The following CSPP1 variants were observed in gnomAD, a reference collection of about 807,000 sequenced individuals.
The protein encoded by CSPP1 is centrosome and spindle pole-associated protein 1.
A neutral mutation model predicts 164.4 loss-of-function variants in CSPP1; 126 were observed. That is an observed-to-expected ratio of 0.77 (90% CI 0.66 to 0.89). CSPP1 has a LOEUF of 0.89. CSPP1 is among the 40% of genes least tolerant of loss of function. CSPP1 has a pLI of 0.00. For synonymous variants in CSPP1, 472 were observed against 476.7 expected (o/e 0.99, Z 0.13); for missense variants, 1,395 against 1,449.8 (o/e 0.96, Z 0.61).
chr8:67,073,271 C>T (rs926845249), intron 1 of CSPP1, among the ~76,000 whole-genome samples: 6 of 152,130 alleles, frequency 3.9e-5, no homozygotes, highest in Non-Finnish European at 7.4e-5. Context: ...GTAAATATCA[C>T]GTGCCTTCTC....
At chr8:67,159,213 A>G in intron 21 of CSPP1, 76 bp downstream of exon 21, 1 of 1,341,678 alleles carries the variant, frequency 7.5e-7, no homozygotes, top group Non-Finnish European at 1.0e-6. Context: ...CAGTTGTTAG[A>G]AAAGGGGAGA....
In CSPP1 at chr8:67,196,271, A is replaced by G. The variant is rs1837920044; in HGVS notation, c.*678A>G. The G allele has an allele frequency of 6.6e-6, 1 of 152,220 alleles. No homozygotes were observed. Among genetic ancestry groups the G allele is most frequent in the Non-Finnish European group, 1.5e-5 (1 of 68,044 alleles). The allele number at this position is 152,220 out of a possible 1,614,324, so 9.4% of individuals were successfully genotyped here. A position where few individuals can be genotyped will look rare whatever the true frequency, so the allele number is the denominator to read the frequency against. ...TTATTTTAATTACTAAAATCTTTTT[A>G]ACTACTATGGAGCTTTCTAGACTAG... On this transcript the variant is annotated 3_prime_UTR_variant, in exon 31 of 31. Transcript: ENST00000678616.
intron 24 of CSPP1, among the ~76,000 whole-genome samples, chr8:67,165,262 T>A (rs1019413025): frequency 2.6e-5 from 4 of 152,166 alleles, no homozygotes; most frequent in Admixed American, 6.5e-5. Flanking sequence ...CCAGCCTAGG[T>A]GACAGAGTGA....
chr8:67,076,379 A>G (rs747936730), intron 2 of CSPP1, 103 bp from the exon 3 acceptor site: 30 of 559,878 alleles, frequency 5.4e-5, no homozygotes, highest in Non-Finnish European at 7.7e-5. Context: ...TCTATGATGT[A>G]CTGTGTAATT....
At chr8:67,141,615 G>A (rs997517753) in intron 17 of CSPP1, among the ~76,000 whole-genome samples, 1 of 152,106 alleles carries the variant, frequency 6.6e-6, no homozygotes, top group Non-Finnish European at 1.5e-5. Flanking sequence ...TCTGCCTCCC[G>A]GGTTCAAGCA....
chr8:67,136,446 G>T (rs562953010), intron 16 of CSPP1, among the ~76,000 whole-genome samples: 1 of 151,760 alleles, frequency 6.6e-6, no homozygotes, highest in South Asian at 2.1e-4. Context: ...GCAGGCTCCT[G>T]TAGTCCCAGC....
At chr8:67,194,921 A>G (rs551206230) in intron 30 of CSPP1, among the ~76,000 whole-genome samples, 1 of 152,308 alleles carries the variant, frequency 6.6e-6, no homozygotes, top group African/African-American at 2.4e-5. Flanking sequence ...AAATAACTTA[A>G]TAATTTCCTT....
rs1554562925 is a variant in CSPP1 at position 67,086,749 on chromosome 8, T to C, written c.303+639T>C. ...GTTCCAAGTGTACAAATGTCTCTTA[T>C]TCTGATTTACACATGGAGAGAATGA... On this transcript the variant is annotated intron_variant, in intron 4 of 30. Coordinates refer to ENST00000678616, the MANE Select transcript of CSPP1 (RefSeq NM_001382391.1). 39 of 750,490 alleles carry C rather than the reference T, an allele frequency of 5.2e-5. 1 individual carries two copies. Among genetic ancestry groups the C allele is most frequent in the South Asian group, 5.0e-4 (34 of 67,464 alleles). 46.5% of individuals were successfully genotyped at this position (750,490 alleles called of 1,614,324 possible). A position where few individuals can be genotyped will look rare whatever the true frequency, so the allele number is the denominator to read the frequency against.
At position 67,186,171 on chromosome 8, in the gene CSPP1, G is replaced by A. The variant is rs144848048; in HGVS notation, c.3221-4479G>A. On this transcript the variant is annotated intron_variant, in intron 28 of 30. Transcript: ENST00000678616. ...TTCATTTCTGTAACAGTTGATATCTGGCTGTCCTTTTTATAATGCAGAGTG... is the reference window on the plus strand; with the variant it reads ...TTCATTTCTGTAACAGTTGATATCTAGCTGTCCTTTTTATAATGCAGAGTG... 2.6e-4 allele frequency among the ~76,000 whole-genome samples: 39 copies of A among 152,210 alleles called. No individual in the cohort carries two copies. The East Asian group carries it at 7.1e-3, about 28-fold the overall frequency.
rs2129545545 is a variant in CSPP1, at chr8:67,095,685, T to C, written c.876T>C (p.Tyr292=). ...VSEEMDERFR[Y]ESDFDRRLSR... ...AAGAAATGGATGAGAGGTTTAGATA[T>C]GAAAGTGATTTTGATAGAAGACTTT... Residue 292 remains tyrosine (Y), a synonymous_variant, in exon 7 of 31, where the codon TAT becomes TAC. Transcript: ENST00000678616. 1.2e-6 allele frequency: 2 copies of C among 1,608,476 alleles called. No homozygotes were observed. Among genetic ancestry groups the C allele is most frequent in the Non-Finnish European group, 1.7e-6 (2 of 1,177,728 alleles).
Position 67,095,417 on chromosome 8 carries a change from A to G in CSPP1, c.608A>G (p.Tyr203Cys), listed in dbSNP as rs1033546149. The G allele has an allele frequency of 5.0e-6, 8 of 1,612,916 alleles. No homozygotes were observed. The highest frequency in any genetic ancestry group is 3.3e-5 in the Admixed American group (2 of 59,868). The change falls in exon 7 of 31, where the codon TAT becomes TGT. Residue 203 changes from tyrosine to cysteine, a missense_variant. Transcript: ENST00000678616. ...GATGTCTTAACTCCTTCAGAGGCAT[A>G]TGAAGAACTTCTGAACCAAAGACGA... is the stretch of plus-strand genomic sequence containing the variant. ...RKDVLTPSEA[Y>C]EELLNQRRLE...
intron 19 of CSPP1, among the ~76,000 whole-genome samples, chr8:67,156,739 C>T (rs1042818774): frequency 6.6e-6 from 1 of 152,146 alleles, no homozygotes; most frequent in African/African-American, 2.4e-5. Context: ...ACAGTTAGCT[C>T]AAGTTAATGC....
intron 30 of CSPP1, among the ~76,000 whole-genome samples, chr8:67,194,760 T>TAA (rs936214709): frequency 6.6e-6 from 1 of 150,750 alleles, no homozygotes; most frequent in Non-Finnish European, 1.5e-5. Context: ...TAATAATAAA[T>TAA]AAAAGTAAAA....
intron 7 of CSPP1, among the ~76,000 whole-genome samples, chr8:67,100,716 A>G (rs984770316): frequency 2.0e-5 from 3 of 150,934 alleles, no homozygotes; most frequent in Admixed American, 1.3e-4. Flanking sequence ...AGTAGCTGGG[A>G]CTATAGGCAT....
In CSPP1 at chr8:67,095,358, G is replaced by A. The variant is rs1563539611; in HGVS notation, c.549G>A (p.Gln183=). Residue 183 remains glutamine (Q), a synonymous_variant, in exon 7 of 31, where the codon CAG becomes CAA. Coordinates refer to ENST00000678616, the MANE Select transcript of CSPP1 (RefSeq NM_001382391.1). ...AGCCTGATCTAACTTCACAAATACAGACATCTTGTGAAAATTCAGAGGGTC... is the reference window on the plus strand; with the variant it reads ...AGCCTGATCTAACTTCACAAATACAAACATCTTGTGAAAATTCAGAGGGTC... ...QVKPDLTSQI[Q]TSCENSEGPR... The A allele has an allele frequency of 6.2e-7, 1 of 1,606,732 alleles. No homozygotes were observed. The highest frequency in any genetic ancestry group is 2.2e-5 in the East Asian group (1 of 44,818).
intron 18 of CSPP1, among the ~76,000 whole-genome samples, chr8:67,150,748 C>CAAA (rs59219296): frequency 0.12 from 18,702 of 152,074 alleles, 2,242 homozygotes; most frequent in African/African-American, 0.31. Flanking sequence ...ATCCTTTAAT[C>CAAA]AATTCTGAAA....
chr8:67,185,332 T>C (rs1834286869), intron 28 of CSPP1, among the ~76,000 whole-genome samples: 1 of 152,198 alleles, frequency 6.6e-6, no homozygotes, highest in East Asian at 1.9e-4. Context: ...ACAAAGATTA[T>C]CACTTTAAGA....
intron 5 of CSPP1, among the ~76,000 whole-genome samples, chr8:67,092,290 C>A (rs1369576516): frequency 6.6e-6 from 1 of 152,090 alleles, no homozygotes; most frequent in East Asian, 1.9e-4. Context: ...TTCTGACACT[C>A]CATTAATACA....
intron 3 of CSPP1, chr8:67,081,150 A>G (rs747234275): frequency 2.0e-5 from 3 of 152,124 alleles, no homozygotes; most frequent in Admixed American, 6.5e-5. Flanking sequence ...GTATGGTCCA[A>G]GGTACCCACT....
Sources: allele counts gnomAD v4.1 joint callset (sites outside exome capture counted in the v4.1 genomes callset), GRCh38; gene constraint gnomAD v4.1.1; transcripts MANE v1.5; gene names NCBI Gene and HGNC (gene_info 2026-07-23, HGNC 2026-07-21).